The following RBFOX1 variants were observed in gnomAD, a reference collection of about 807,000 sequenced individuals.
RBFOX1 encodes RNA binding protein fox-1 homolog 1.
In RBFOX1, 8 loss-of-function variants were observed where a neutral mutation model predicts 57.7. The ratio of observed to expected loss-of-function variants is 0.14; its 90% CI spans 0.08 to 0.25. The LOEUF (loss-of-function observed/expected upper bound fraction) is 0.25. RBFOX1 is among the 10% of genes least tolerant of loss of function. RBFOX1 has a pLI of 1.00. For missense variants in RBFOX1, 611 were observed against 548.5 expected (o/e 1.11, Z -1.14); for synonymous variants, 326 against 222.4 (o/e 1.47, Z -4.15).
chr16:7,384,174 T>TATATATATGAAACATATATGAA (rs1015211488), intron 4 of RBFOX1, among the ~76,000 whole-genome samples: 23 of 152,058 alleles, frequency 1.5e-4, no homozygotes, highest in East Asian at 9.7e-4. Flanking sequence ...GTGCTTTTCA[T>TATATATATGAAACATATATGAA]ATATATATGA....
chr16:5,408,329 C>T (rs900894987), intron 1 of RBFOX1, among the ~76,000 whole-genome samples: 2 of 152,306 alleles, frequency 1.3e-5, no homozygotes, highest in East Asian at 1.9e-4. Flanking sequence ...TTCCCAATTT[C>T]GTGTTATATG....
At chr16:6,036,920 T>A (rs888060685) in intron 1 of RBFOX1, among the ~76,000 whole-genome samples, 1 of 152,178 alleles carries the variant, frequency 6.6e-6, no homozygotes, top group Non-Finnish European at 1.5e-5. Context: ...TCTTTTACCA[T>A]GACCCTAGTA....
At chr16:7,004,837 G>A (rs935532824) in intron 3 of RBFOX1, among the ~76,000 whole-genome samples, 5 of 152,050 alleles carry the variant, frequency 3.3e-5, no homozygotes, top group African/African-American at 1.2e-4. Context: ...GAACCTGTTG[G>A]GACAGAACAG....
intron 4 of RBFOX1, among the ~76,000 whole-genome samples, chr16:7,055,382 A>G (rs1041788791): frequency 6.6e-6 from 1 of 152,088 alleles, no homozygotes; most frequent in Admixed American, 6.6e-5. Flanking sequence ...ATAACTCTCC[A>G]CCTCCCAGTT....
chr16:7,256,869 C>G (rs1018052104), intron 4 of RBFOX1, among the ~76,000 whole-genome samples: 2 of 152,146 alleles, frequency 1.3e-5, no homozygotes, highest in Non-Finnish European at 2.9e-5. Flanking sequence ...CCTATCCCCA[C>G]TAGGGCATCT....
chr16:6,628,253 A>T (rs1450479777), intron 2 of RBFOX1, among the ~76,000 whole-genome samples: 1 of 152,154 alleles, frequency 6.6e-6, no homozygotes. Context: ...AGCCAACGTA[A>T]ATTTTGCACC....
In RBFOX1 at chr16:7,328,296, G is replaced by A. The variant is rs573931295; in HGVS notation, c.28-189851G>A. Reference sequence around the variant, plus strand: ...GGAGTTCAAGACAATCCTGGCCAACGTGGTGAAACCCTGTCTCTACTAAAA... The same window carrying A: ...GGAGTTCAAGACAATCCTGGCCAACATGGTGAAACCCTGTCTCTACTAAAA... On this transcript the variant is annotated intron_variant, in intron 4 of 15. Coordinates refer to ENST00000550418, the MANE Select transcript of RBFOX1 (RefSeq NM_018723.4). Among the ~76,000 whole-genome samples the A allele has an allele frequency of 2.4e-3, 368 of 151,878 alleles. 3 individuals are homozygous for A. Among genetic ancestry groups the A allele is most frequent in the Non-Finnish European group, 1.1e-3 (78 of 67,888 alleles).
intron 3 of RBFOX1, among the ~76,000 whole-genome samples, chr16:6,836,499 C>T (rs753491509): frequency 1.3e-5 from 2 of 152,194 alleles, no homozygotes; most frequent in Non-Finnish European, 2.9e-5. Context: ...CACTTCAAAC[C>T]TTCCTTCTAC....
intron 3 of RBFOX1, among the ~76,000 whole-genome samples, chr16:6,717,567 C>T (rs540933912): frequency 1.3e-5 from 2 of 151,688 alleles, no homozygotes; most frequent in African/African-American, 4.8e-5. Context: ...AGCCTGTGAG[C>T]CTGAGATGCT....
intron 1 of RBFOX1, among the ~76,000 whole-genome samples, chr16:6,227,080 T>A (rs2097423720): frequency 6.6e-6 from 1 of 151,810 alleles, no homozygotes; most frequent in South Asian, 2.1e-4. Flanking sequence ...GCCGAGATTG[T>A]GCCACTGAAC....
At chr16:7,547,962 G>C (rs2085089799) in intron 5 of RBFOX1, among the ~76,000 whole-genome samples, 1 of 152,202 alleles carries the variant, frequency 6.6e-6, no homozygotes, top group African/African-American at 2.4e-5. Flanking sequence ...ATTAAGGATA[G>C]ACTTTAGTAG....
At chr16:5,663,694 C>T (rs1392020977) in intron 3 of RBFOX1, among the ~76,000 whole-genome samples, 1 of 152,166 alleles carries the variant, frequency 6.6e-6, no homozygotes, top group Non-Finnish European at 1.5e-5. Context: ...CTGCAGGAAT[C>T]ACGTCATGTA....
At chr16:6,908,766 G>C (rs1475363358) in intron 3 of RBFOX1, among the ~76,000 whole-genome samples, 1 of 152,066 alleles carries the variant, frequency 6.6e-6, no homozygotes, top group Admixed American at 6.6e-5. Context: ...GTGCAATCTG[G>C]GACCAAGTGC....
chr16:6,754,775 A>G (rs1242782956), intron 3 of RBFOX1, among the ~76,000 whole-genome samples: 1 of 152,036 alleles, frequency 6.6e-6, no homozygotes, highest in East Asian at 1.9e-4. Flanking sequence ...ACATATGTAT[A>G]CATGTGCCAT....
chr16:6,271,357 G>A (rs116078080), intron 1 of RBFOX1, among the ~76,000 whole-genome samples: 2,644 of 152,264 alleles, frequency 0.017, 97 homozygotes, highest in African/African-American at 0.06. Flanking sequence ...CCAGGAGGTG[G>A]AGGTTGCAGT....
intron 4 of RBFOX1, among the ~76,000 whole-genome samples, chr16:7,099,252 G>A (rs910462975): frequency 3.3e-5 from 5 of 152,162 alleles, no homozygotes; most frequent in Admixed American, 2.6e-4. Context: ...TAGATACAGG[G>A]CAGGAGAGAT....
At position 7,010,954 on chromosome 16, in the gene RBFOX1, C is replaced by G. The variant is rs117058962; in HGVS notation, c.-15-41103C>G. Among the ~76,000 whole-genome samples, 547 of 152,294 alleles carry G rather than the reference C, an allele frequency of 3.6e-3. 4 individuals are homozygous for G. The highest frequency in any genetic ancestry group is 0.024 in the East Asian group (123 of 5,180). On this transcript the variant is annotated intron_variant, in intron 3 of 15. Coordinates refer to ENST00000550418, the MANE Select transcript of RBFOX1 (RefSeq NM_018723.4). ...AAGTGAGTCTTAGCAGGGCCTTGGG[C>G]AAGAGGATAAATTAACTACTTAGGC...
At chr16:6,615,166 A>G (rs531511916) in intron 2 of RBFOX1, among the ~76,000 whole-genome samples, 1 of 152,186 alleles carries the variant, frequency 6.6e-6, no homozygotes, top group Non-Finnish European at 1.5e-5. Flanking sequence ...TGGGTGGCCT[A>G]TTTTTCCCTC....
At chr16:5,486,727 C>G (rs115302971) in intron 2 of RBFOX1, among the ~76,000 whole-genome samples, 1,526 of 152,248 alleles carry the variant, frequency 0.01, 22 homozygotes, top group African/African-American at 0.035. Flanking sequence ...GGAGAAGACA[C>G]TCATCAGGAC....
Sources: gnomAD v4.1 joint callset for allele counts (sites outside exome capture counted in the v4.1 genomes callset) on GRCh38, gnomAD v4.1.1 for gene constraint, MANE v1.5 for transcripts, NCBI Gene and HGNC (gene_info 2026-07-23, HGNC 2026-07-21) for gene names.